The following ADRA1A variants were observed in gnomAD, a reference collection of about 807,000 sequenced individuals.
The protein encoded by ADRA1A is alpha-1A adrenergic receptor.
ADRA1A carries 31 observed loss-of-function variants against 29.6 expected under a neutral mutation model. That is an observed-to-expected ratio of 1.05 (90% confidence interval 0.79 to 1.41). The LOEUF (loss-of-function observed/expected upper bound fraction) is 1.41. ADRA1A is among the 40% of genes most tolerant of loss of function. The probability of loss-of-function intolerance (pLI) is 0.00; values close to 1 mark genes in which losing one functional copy is unlikely to be tolerated. For synonymous variants in ADRA1A, 311 were observed against 254.3 expected (o/e 1.22, Z -2.12); for missense variants, 619 against 601.1 (o/e 1.03, Z -0.31).
intron 2 of ADRA1A, among the ~76,000 whole-genome samples, chr8:26,851,945 A>G (rs746451380): frequency 1.2e-4 from 18 of 152,206 alleles, no homozygotes; most frequent in Non-Finnish European, 2.5e-4. Context: ...TACACTAAAG[A>G]TTAAATCTAT....
At chr8:26,779,714 G>C (rs879889887) in intron 2 of ADRA1A, among the ~76,000 whole-genome samples, 9 of 152,250 alleles carry the variant, frequency 5.9e-5, no homozygotes, top group African/African-American at 1.2e-4. Flanking sequence ...GAATTCAAAG[G>C]CTGCTGTCAT....
At chr8:26,847,649 C>T (rs116568368) in intron 2 of ADRA1A, among the ~76,000 whole-genome samples, 124 of 152,334 alleles carry the variant, frequency 8.1e-4, no homozygotes, top group African/African-American at 3.0e-3. Context: ...CCTTTTCAAA[C>T]CCTTTTTGGG....
chr8:26,828,173 T>C (rs1286640925), intron 2 of ADRA1A, among the ~76,000 whole-genome samples: 1 of 152,188 alleles, frequency 6.6e-6, no homozygotes, highest in East Asian at 1.9e-4. Context: ...AGATTACAGG[T>C]ATGAGCCACT....
intron 2 of ADRA1A, chr8:26,859,318 G>T: frequency 1.6e-6 from 1 of 610,858 alleles, no homozygotes; most frequent in Non-Finnish European, 2.5e-6. Flanking sequence ...CGACCCAGCA[G>T]AAGTAGTGCC....
In ADRA1A at chr8:26,770,146, G is replaced by T. The variant is rs372056090; in HGVS notation, c.*3C>A. 7.1e-6 allele frequency: 11 copies of T among 1,543,184 alleles called. No homozygotes were observed. The African/African-American group carries it at 1.2e-4, about 17-fold the overall frequency. On this transcript the variant is annotated 3_prime_UTR_variant, in exon 3 of 3. Coordinates refer to ENST00000380573, the MANE Select transcript of ADRA1A (RefSeq NM_000680.4). The stretch of plus-strand genomic sequence containing the variant: ...TTCCCCTTTCCTCTGCATCTTTCCT[G>T]TCCTAGACTTCCTCCCCGTTCTCAC...
At chr8:26,819,517 TG>T (rs1042665394) in intron 2 of ADRA1A, among the ~76,000 whole-genome samples, 2 of 152,312 alleles carry the variant, frequency 1.3e-5, no homozygotes, top group African/African-American at 4.8e-5. Flanking sequence ...GGTAAGTTTT[TG>T]TATGCAATTG....
Position 26,756,714 on chromosome 8 carries a change from C to T in ADRA1A, c.*45G>A, listed in dbSNP as rs773596300. The stretch of plus-strand genomic sequence containing the variant: ...GACCAGTGGTGGGTTTCATGCTCCC[C>T]TTCCTTGGGCAGTAAGGACAACAGT... On this transcript the variant is annotated 3_prime_UTR_variant, in exon 3 of 3. Transcript: ENST00000380582. 9.9e-5 allele frequency: 159 copies of T among 1,613,950 alleles called. No homozygotes were observed. In the East Asian group the frequency reaches 3.5e-3, roughly 36 times the overall value.
chr8:26,760,692 C>A (rs554561340), intron 2 of ADRA1A, among the ~76,000 whole-genome samples: 18 of 152,280 alleles, frequency 1.2e-4, no homozygotes, highest in Non-Finnish European at 1.9e-4. Context: ...CTTGTTCTGC[C>A]TCACCCTCCT....
Position 26,787,460 on chromosome 8 carries a change from T to C in ADRA1A, c.884-16794A>G, listed in dbSNP as rs1365851100. Among the ~76,000 whole-genome samples, 1 of 152,152 alleles carries C rather than the reference T, an allele frequency of 6.6e-6. No homozygotes were observed. Among genetic ancestry groups the C allele is most frequent in the Non-Finnish European group, 1.5e-5 (1 of 68,022 alleles). ...CTTTGACAAAATGCAACTAATAAAG[T>C]ACGCCTAAAAAACAATCAGGTAAGA... is the stretch of plus-strand genomic sequence containing the variant. On this transcript the variant is annotated intron_variant, in intron 2 of 2. Transcript: ENST00000380573. This position sits in a 1 kb window ranked among gnomAD's most constrained non-coding sequence, Gnocchi z 4.2.
intron 2 of ADRA1A, among the ~76,000 whole-genome samples, chr8:26,843,354 TC>T (rs1226067755): frequency 3.9e-5 from 6 of 152,238 alleles, no homozygotes; most frequent in African/African-American, 4.8e-5. Context: ...AATAATTTAC[TC>T]CCTTTGTCCC....
chr8:26,757,397 C>T (rs897120724), intron 2 of ADRA1A, among the ~76,000 whole-genome samples: 2 of 151,996 alleles, frequency 1.3e-5, no homozygotes, highest in Non-Finnish European at 2.9e-5. Flanking sequence ...TAAAGGGTGC[C>T]CCAGAAATGT....
intron 2 of ADRA1A, among the ~76,000 whole-genome samples, chr8:26,795,983 C>T (rs1808165194): frequency 6.6e-6 from 1 of 151,896 alleles, no homozygotes; most frequent in Non-Finnish European, 1.5e-5. Context: ...CTAAAAGTGT[C>T]CTAAGAAAAT....
In ADRA1A at chr8:26,769,969, C is replaced by T; in HGVS notation, c.*180G>A. On this transcript the variant is annotated 3_prime_UTR_variant, in exon 3 of 3. Transcript: ENST00000380573. ...TTCTGAACTGGTTGGTTGTGAGACA[C>T]CCTCCCTCTTCCCTGTGCCCTACCC... 6 of 1,396,442 alleles carry T rather than the reference C, an allele frequency of 4.3e-6. No homozygotes were observed. The South Asian group carries it at 1.2e-4, about 29-fold the overall frequency. 86.5% of individuals were successfully genotyped at this position (1,396,442 alleles called of 1,614,324 possible). A position where few individuals can be genotyped will look rare whatever the true frequency, so the allele number is the denominator to read the frequency against.
chr8:26,780,472 C>G (rs573876708), intron 2 of ADRA1A, among the ~76,000 whole-genome samples: 2 of 152,292 alleles, frequency 1.3e-5, no homozygotes, highest in African/African-American at 4.8e-5. Context: ...ACCTCTCTCC[C>G]CTGTATCTAC....
At chr8:26,840,679 A>G (rs570442342) in intron 2 of ADRA1A, among the ~76,000 whole-genome samples, 4 of 152,302 alleles carry the variant, frequency 2.6e-5, no homozygotes, top group African/African-American at 7.2e-5. Context: ...AATAGCTAAA[A>G]CAGGAAGTCT....
chr8:26,748,501 G>A, exon 3 of ADRA1A: 1 of 270,756 alleles, frequency 3.7e-6, no homozygotes, highest in South Asian at 3.3e-5. Context: ...AGCACTTTGG[G>A]AGGCTGAGGC....
intron 2 of ADRA1A, among the ~76,000 whole-genome samples, chr8:26,820,104 T>G (rs1810050012): frequency 6.6e-6 from 1 of 151,936 alleles, no homozygotes; most frequent in African/African-American, 2.4e-5. Context: ...GAAGCAAATA[T>G]TACCAAAACT....
rs1805194848 is a variant in ADRA1A, at chr8:26,756,793, G to A, written c.1270-14C>T. 4 of 1,609,216 alleles carry A rather than the reference G, an allele frequency of 2.5e-6. No homozygotes were observed. In the South Asian group the frequency reaches 4.4e-5, roughly 18 times the overall value. On this transcript the variant is annotated splice_polypyrimidine_tract_variant and intron_variant, in intron 2 of 2. Coordinates refer to the ADRA1A transcript ENST00000380582. ...GGGTGTGTGTCCCTTTAAAACACAA[G>A]GTAGACTAACATTTAATTAATCATG...
intron 2 of ADRA1A, among the ~76,000 whole-genome samples, chr8:26,773,789 TC>T (rs1806346157): frequency 1.3e-5 from 2 of 152,136 alleles, no homozygotes; most frequent in Middle Eastern, 3.2e-3. Flanking sequence ...ATCCCTTCTT[TC>T]CTTGCGTGGC....
Sources: allele counts gnomAD v4.1 joint callset (sites outside exome capture counted in the v4.1 genomes callset), GRCh38; gene constraint gnomAD v4.1.1; non-coding constraint Gnocchi (gnomAD v3.1); transcripts MANE v1.5; gene names NCBI Gene and HGNC (gene_info 2026-07-23, HGNC 2026-07-21).